ENPP2: variants seen among roughly 807,000 people sequenced by gnomAD.
ENPP2 encodes ectonucleotide pyrophosphatase/phosphodiesterase 2, also known as autotaxin.
A neutral mutation model predicts 120.2 loss-of-function variants in ENPP2; 51 were observed. That is an observed-to-expected ratio of 0.42 (90% CI 0.34 to 0.54). The LOEUF (loss-of-function observed/expected upper bound fraction) is 0.54. ENPP2 is among the 20% of genes least tolerant of loss of function. ENPP2 has a pLI of 0.04. For synonymous variants in ENPP2, 365 were observed against 366.4 expected (o/e 1.00, Z 0.04); for missense variants, 920 against 1,066.5 (o/e 0.86, Z 1.91).
chr8:119,558,179 C>T (rs963670199), intron 24 of ENPP2, among the ~76,000 whole-genome samples: 1 of 152,158 alleles, frequency 6.6e-6, no homozygotes, highest in African/African-American at 2.4e-5. Context: ...GCATCAACCA[C>T]GTCATCTACT....
At chr8:119,671,132 CAAAAAAAAA>C (rs371191607) in intron 1 of ENPP2, among the ~76,000 whole-genome samples, 1 of 115,222 alleles carries the variant, frequency 8.7e-6, no homozygotes, top group African/African-American at 3.4e-5. Flanking sequence ...ACTAAAAATA[CAAAAAAAAA>C]AAAAAAAAAA....
rs1292213451 is a variant in ENPP2 at position 119,665,572 on chromosome 8, C to T, written c.21+7680G>A. The stretch of plus-strand genomic sequence containing the variant: ...GGCACTGAAGTTTTTAGATTTCAAA[C>T]TCAATTTTTTGTTCAAGAAGTTTAC... On this transcript the variant is annotated intron_variant, in intron 1 of 25. Coordinates refer to the ENPP2 transcript ENST00000427067. 2.0e-5 allele frequency among the ~76,000 whole-genome samples: 3 copies of T among 152,120 alleles called. No homozygotes were observed. The East Asian group carries it at 5.8e-4, about 29-fold the overall frequency.
At chr8:119,635,686 T>G (rs969430974) in intron 2 of ENPP2, among the ~76,000 whole-genome samples, 1 of 152,228 alleles carries the variant, frequency 6.6e-6, no homozygotes, top group African/African-American at 2.4e-5. Context: ...CCCATTGTAT[T>G]TACCCAACAG....
chr8:119,653,161 A>C (rs1817673386), intron 1 of ENPP2, among the ~76,000 whole-genome samples: 1 of 152,174 alleles, frequency 6.6e-6, no homozygotes, highest in South Asian at 2.1e-4. Context: ...GGTCACTACA[A>C]AACTGGACAG....
chr8:119,588,757 A>T, intron 13 of ENPP2, among the ~76,000 whole-genome samples: 1 of 152,148 alleles, frequency 6.6e-6, no homozygotes, highest in Non-Finnish European at 1.5e-5. Context: ...TTTGACAATG[A>T]AGAGAAGTAA....
At chr8:119,571,750 T>TA (rs1011815520) in intron 19 of ENPP2, 22 of 152,522 alleles carry the variant, frequency 1.4e-4, no homozygotes, top group Admixed American at 5.2e-4. Flanking sequence ...GTGATAAATT[T>TA]AAAAAAAAAT....
At chr8:119,588,923 T>A (rs1813308357) in intron 13 of ENPP2, among the ~76,000 whole-genome samples, 1 of 152,214 alleles carries the variant, frequency 6.6e-6, no homozygotes, top group East Asian at 1.9e-4. Context: ...TCAGCTAATC[T>A]GGCTTCAAAT....
intron 3 of ENPP2, among the ~76,000 whole-genome samples, chr8:119,624,587 C>T (rs1211303052): frequency 6.6e-6 from 1 of 152,078 alleles, no homozygotes; most frequent in Non-Finnish European, 1.5e-5. Flanking sequence ...TTCATTGATA[C>T]ATCATTCATA....
chr8:119,590,418 C>G (rs1813414656), intron 13 of ENPP2, 87 bp downstream of exon 13: 2 of 1,089,608 alleles, frequency 1.8e-6, no homozygotes, highest in East Asian at 2.8e-5. Context: ...GAATTTTTAC[C>G]CAAGTATTTC....
chr8:119,651,191 G>A (rs1817616985), intron 1 of ENPP2, among the ~76,000 whole-genome samples: 1 of 152,114 alleles, frequency 6.6e-6, no homozygotes, highest in South Asian at 2.1e-4. Context: ...GATAAAGAGG[G>A]GAAGGGCATT....
In ENPP2 at chr8:119,638,695, G is replaced by A. The variant is rs141614308; in HGVS notation, c.33+53C>T. On this transcript the variant is annotated intron_variant, in intron 1 of 24. Coordinates refer to ENST00000075322, the MANE Select transcript of ENPP2 (RefSeq NM_001040092.3). ...ACAACAAAAAGGAAAATGCCAATCAGTCACTGATTCTGAAGATCAAGCATG... is the reference window on the plus strand; with the variant it reads ...ACAACAAAAAGGAAAATGCCAATCAATCACTGATTCTGAAGATCAAGCATG... The A allele has an allele frequency of 6.1e-4, 726 of 1,192,608 alleles. No individual in the cohort carries two copies. In the African/African-American group the frequency reaches 9.3e-3, roughly 15 times the overall value. The allele number at this position is 1,192,608 out of a possible 1,614,324, so 73.9% of individuals were successfully genotyped here. A position where few individuals can be genotyped will look rare whatever the true frequency, so the allele number is the denominator to read the frequency against.
At chr8:119,619,610 C>T (rs565214326) in intron 4 of ENPP2, among the ~76,000 whole-genome samples, 1 of 151,700 alleles carries the variant, frequency 6.6e-6, no homozygotes, top group East Asian at 1.9e-4. Flanking sequence ...GTTTGTATCC[C>T]TCCAGAAATA....
chr8:119,617,636 A>G, intron 5 of ENPP2, 73 bp from the exon 6 acceptor site: 5 of 1,022,750 alleles, frequency 4.9e-6, no homozygotes. Context: ...GATTCTCAAT[A>G]ATGGGAGCAA....
chr8:119,617,786 T>C (rs929479368), intron 5 of ENPP2, among the ~76,000 whole-genome samples: 10 of 151,930 alleles, frequency 6.6e-5, no homozygotes, highest in African/African-American at 2.4e-4. Context: ...CCATCTCTAC[T>C]ACAAATACAA....
At chr8:119,648,566 TA>T (rs1277924212) in intron 1 of ENPP2, among the ~76,000 whole-genome samples, 1 of 152,184 alleles carries the variant, frequency 6.6e-6, no homozygotes. Flanking sequence ...GATTCAAATC[TA>T]AAAGGAAGTT....
intron 3 of ENPP2, 110 bp downstream of exon 3, chr8:119,626,455 A>C: frequency 1.4e-6 from 1 of 737,864 alleles, no homozygotes; most frequent in Non-Finnish European, 2.3e-6. Flanking sequence ...CAAAACTAGA[A>C]TCCACAGTTT....
intron 1 of ENPP2, among the ~76,000 whole-genome samples, chr8:119,658,858 A>G (rs1204517966): frequency 6.6e-6 from 1 of 152,222 alleles, no homozygotes; most frequent in Non-Finnish European, 1.5e-5. Flanking sequence ...TAACAAAGGA[A>G]GAGAATGCCG....
intron 23 of ENPP2, 120 bp downstream of exon 23, chr8:119,564,703 G>T: frequency 6.1e-6 from 3 of 494,592 alleles, no homozygotes; most frequent in Non-Finnish European, 9.5e-6. Flanking sequence ...TATATATATT[G>T]AAAAATTCAA....
chr8:119,562,114 G>A (rs1222406681), intron 24 of ENPP2, among the ~76,000 whole-genome samples: 2 of 150,842 alleles, frequency 1.3e-5, no homozygotes, highest in Non-Finnish European at 2.9e-5. Flanking sequence ...TCCAGCCTAG[G>A]TGACAGAGTG....
Sources: allele counts gnomAD v4.1 joint callset (sites outside exome capture counted in the v4.1 genomes callset), GRCh38; gene constraint gnomAD v4.1.1; transcripts MANE v1.5; gene names NCBI Gene and HGNC (gene_info 2026-07-23, HGNC 2026-07-21).